The following LCOR variants were observed in gnomAD, a reference collection of about 807,000 sequenced individuals.
LCOR encodes ligand-dependent corepressor.
In LCOR, 14 loss-of-function variants were observed where a neutral mutation model predicts 64.4. That is an observed-to-expected ratio of 0.22 (90% CI 0.14 to 0.34). The LOEUF (loss-of-function observed/expected upper bound fraction) is 0.34, where lower values mean the gene tolerates loss of function less well. Ranked by LOEUF, LCOR falls within the 10% of genes least tolerant of loss-of-function variation. LCOR has a pLI of 1.00. For synonymous variants in LCOR, 643 were observed against 642.5 expected (o/e 1.00, Z -0.01); for missense variants, 1,686 against 1,765.3 (o/e 0.96, Z 0.80).
chr10:96,900,604 C>T (rs1846617375), intron 2 of LCOR, among the ~76,000 whole-genome samples: 2 of 151,932 alleles, frequency 1.3e-5, no homozygotes, highest in East Asian at 1.9e-4. Context: ...AGACTGACAA[C>T]ATATTAGAGA....
chr10:96,869,585 T>C (rs2134403669), intron 2 of LCOR, among the ~76,000 whole-genome samples: 1 of 151,016 alleles, frequency 6.6e-6, no homozygotes, highest in East Asian at 1.9e-4. Flanking sequence ...TTTTTTTTTT[T>C]CTTTTTTTAG....
chr10:96,955,999 C>T (rs968618489), intron 7 of LCOR: 11 of 1,522,364 alleles, frequency 7.2e-6, no homozygotes, highest in Middle Eastern at 1.8e-4. Context: ...ATTGCTTGCA[C>T]GTAATTTCAT....
intron 4 of LCOR, among the ~76,000 whole-genome samples, chr10:96,915,287 G>A (rs753360423): frequency 7.2e-5 from 11 of 152,204 alleles, no homozygotes; most frequent in Admixed American, 1.3e-4. Context: ...TTGGGAGGCC[G>A]AGGCAGACAG....
chr10:96,855,436 T>C (rs1307983310), intron 2 of LCOR, among the ~76,000 whole-genome samples: 1 of 152,086 alleles, frequency 6.6e-6, no homozygotes, highest in Non-Finnish European at 1.5e-5. Flanking sequence ...TTTTGTTTGT[T>C]TGTTTGTTTG....
At chr10:96,978,187 A>G (rs1389882035) in intron 7 of LCOR, among the ~76,000 whole-genome samples, 1 of 152,218 alleles carries the variant, frequency 6.6e-6, no homozygotes, top group Non-Finnish European at 1.5e-5. Flanking sequence ...AAAAGTCTGC[A>G]GCTGCATGAG....
chr10:96,943,018 T>C (rs1163775647), intron 4 of LCOR, among the ~76,000 whole-genome samples: 1 of 152,192 alleles, frequency 6.6e-6, no homozygotes, highest in Non-Finnish European at 1.5e-5. Flanking sequence ...TCCTGCAGTC[T>C]GGGATTAGAG....
intron 6 of LCOR, among the ~76,000 whole-genome samples, chr10:96,950,223 A>G (rs2134524440): frequency 6.6e-6 from 1 of 152,254 alleles, no homozygotes; most frequent in Non-Finnish European, 1.5e-5. Flanking sequence ...TATTTTGGAA[A>G]ATAAATTTAA....
intron 2 of LCOR, among the ~76,000 whole-genome samples, chr10:96,882,910 ATAGT>A (rs1258031611): frequency 6.6e-6 from 1 of 152,030 alleles, no homozygotes; most frequent in East Asian, 1.9e-4. Context: ...TTATGGCTTG[ATAGT>A]TCATTTCTTT....
At position 96,985,135 on chromosome 10, in the gene LCOR, T is replaced by A. The variant is rs774059746; in HGVS notation, c.*1T>A. ...ACGGAGGCGGCTGGATGCAAAGTGA[T>A]TGGAAAGATGGTAGCCAAGAGTAAA... On this transcript the variant is annotated 3_prime_UTR_variant, in exon 8 of 8. Transcript: ENST00000421806. 6.3e-7 allele frequency: 1 copy of A among 1,587,130 alleles called. No homozygotes were observed. The highest frequency in any genetic ancestry group is 8.5e-7 in the Non-Finnish European group (1 of 1,170,382).
At chr10:96,897,825 A>G (rs999565814) in intron 2 of LCOR, among the ~76,000 whole-genome samples, 2 of 150,484 alleles carry the variant, frequency 1.3e-5, no homozygotes, top group South Asian at 2.1e-4. Flanking sequence ...GTTTTAGTCT[A>G]TAGATACAGA....
At position 96,849,061 on chromosome 10, in the gene LCOR, CTTTTTTTTTTTTTTTTT is replaced by C. The variant is rs67974828; in HGVS notation, c.-330+15596_-330+15612del. ...TCCTCTCTGTCACCTGGCTAATTGTCTTTTTTTTTTTTTTTTTTTTTTTTTTTTTTGAGACGGAGTCT... is the reference window on the plus strand; with the variant it reads ...TCCTCTCTGTCACCTGGCTAATTGTCTTTTTTTTTTTTTGAGACGGAGTCT... On this transcript the variant is annotated intron_variant, in intron 2 of 7. Transcript: ENST00000421806. Among the ~76,000 whole-genome samples the C allele has an allele frequency of 1.8e-4, 6 of 33,836 alleles. 1 individual carries two copies. In the Admixed American group the frequency reaches 2.4e-3, roughly 13 times the overall value. 22.2% of individuals were successfully genotyped at this position (33,836 alleles called of 152,430 possible). A position where few individuals can be genotyped will look rare whatever the true frequency, so the allele number is the denominator to read the frequency against.
At chr10:96,852,396 G>A (rs893808397) in intron 2 of LCOR, among the ~76,000 whole-genome samples, 10 of 152,170 alleles carry the variant, frequency 6.6e-5, no homozygotes, top group African/African-American at 2.4e-4. Flanking sequence ...TCTCCAGCCT[G>A]GGTGGCAGAG....
At chr10:96,844,240 T>C (rs1845590670) in intron 2 of LCOR, among the ~76,000 whole-genome samples, 1 of 150,112 alleles carries the variant, frequency 6.7e-6, no homozygotes, top group Non-Finnish European at 1.5e-5. Context: ...AGCCTCCGAC[T>C]CCTGGACTCA....
At chr10:96,886,714 A>G (rs985440277) in intron 2 of LCOR, among the ~76,000 whole-genome samples, 3 of 152,206 alleles carry the variant, frequency 2.0e-5, no homozygotes, top group Non-Finnish European at 2.9e-5. Flanking sequence ...TTGTTTGTCT[A>G]ATCTTTAATG....
Position 96,897,101 on chromosome 10 carries a change from C to CAAAA in LCOR, c.-329-10151_-329-10148dup, listed in dbSNP as rs370380714. 7.4e-4 allele frequency among the ~76,000 whole-genome samples: 58 copies of CAAAA among 78,856 alleles called. 1 individual carries two copies. Among genetic ancestry groups the CAAAA allele is most frequent in the African/African-American group, 1.3e-3 (32 of 24,262 alleles). The allele number at this position is 78,856 out of a possible 152,430, so 51.7% of individuals were successfully genotyped here. On this transcript the variant is annotated intron_variant, in intron 2 of 7. Coordinates refer to ENST00000421806, the MANE Select transcript of LCOR (RefSeq NM_001346516.2). ...AGAGAAAGAGAAAGAGAAAGAAAAGCAAAAAAAAAAAAAAAACCCAAAAGA... is the reference window on the plus strand; with the variant it reads ...AGAGAAAGAGAAAGAGAAAGAAAAGCAAAAAAAAAAAAAAAAAAAACCCAAAAGA...
chr10:96,888,596 C>A (rs1332571845), intron 2 of LCOR, among the ~76,000 whole-genome samples: 1 of 151,826 alleles, frequency 6.6e-6, no homozygotes, highest in Non-Finnish European at 1.5e-5. Context: ...TTCCAAATGA[C>A]CAGTAATGAT....
At chr10:96,834,133 C>T (rs910572912) in intron 2 of LCOR, among the ~76,000 whole-genome samples, 1 of 152,148 alleles carries the variant, frequency 6.6e-6, no homozygotes, top group African/African-American at 2.4e-5. Context: ...TCCATTTCTA[C>T]AGGGTTTCAT....
rs1460260313 is a variant in LCOR at position 96,985,314 on chromosome 10, C to T, written c.*180C>T. On this transcript the variant is annotated 3_prime_UTR_variant, in exon 8 of 8. Coordinates refer to ENST00000421806, the MANE Select transcript of LCOR (RefSeq NM_001346516.2). ...GGAGAAGGGAACTTGCAGAGTCCTT[C>T]TCTGAGGCTAAGGGAAGTTATATAT... 5.8e-6 allele frequency: 4 copies of T among 686,672 alleles called. No homozygotes were observed. The East Asian group carries it at 9.2e-5, about 16-fold the overall frequency. 42.5% of individuals were successfully genotyped at this position (686,672 alleles called of 1,614,324 possible).
chr10:96,968,157 A>C (rs949245840), intron 7 of LCOR, among the ~76,000 whole-genome samples: 9 of 152,226 alleles, frequency 5.9e-5, no homozygotes, highest in African/African-American at 2.2e-4. Context: ...GACCACAGGA[A>C]GTTTTTATTA....
Sources: allele counts gnomAD v4.1 joint callset (sites outside exome capture counted in the v4.1 genomes callset), GRCh38; gene constraint gnomAD v4.1.1; transcripts MANE v1.5; gene names NCBI Gene and HGNC (gene_info 2026-07-23, HGNC 2026-07-21).